PTPRD: variants seen among roughly 807,000 people sequenced by gnomAD.
The protein encoded by PTPRD is protein tyrosine phosphatase receptor type D.
In PTPRD, 34 loss-of-function variants were observed where a neutral mutation model predicts 214.5. That is an observed-to-expected ratio of 0.16 (90% CI 0.12 to 0.21). PTPRD has a LOEUF of 0.21. Among genes scored for constraint, PTPRD ranks in the 10% least tolerant of loss-of-function variants. The pLI is 1.00. For missense variants in PTPRD, 2,545 were observed against 2,398.7 expected (o/e 1.06, Z -1.27); for synonymous variants, 1,128 against 845.7 (o/e 1.33, Z -5.79).
intron 9 of PTPRD, among the ~76,000 whole-genome samples, chr9:9,270,915 C>A (rs1455284440): frequency 6.6e-6 from 1 of 151,166 alleles, no homozygotes. Flanking sequence ...AAAGAACACT[C>A]TTCGAATTAT....
At chr9:8,779,102 AGAG>A (rs200278706) in intron 11 of PTPRD, among the ~76,000 whole-genome samples, 1,673 of 152,340 alleles carry the variant, frequency 0.011, 31 homozygotes, top group African/African-American at 0.038. Context: ...ACAGGAGATG[AGAG>A]GAGAACTAGT....
At chr9:9,387,948 C>T (rs1485512679) in intron 9 of PTPRD, among the ~76,000 whole-genome samples, 1 of 152,120 alleles carries the variant, frequency 6.6e-6, no homozygotes, top group Non-Finnish European at 1.5e-5. Context: ...CTATAGGTGG[C>T]CTGTGTTAAC....
chr9:10,173,548 T>C (rs1203936983), intron 3 of PTPRD, among the ~76,000 whole-genome samples: 1 of 152,168 alleles, frequency 6.6e-6, no homozygotes, highest in Non-Finnish European at 1.5e-5. Flanking sequence ...TGACCAATGT[T>C]GTTATTTACA....
intron 13 of PTPRD, among the ~76,000 whole-genome samples, chr9:8,633,947 C>T (rs918599515): frequency 4.6e-5 from 7 of 151,920 alleles, no homozygotes; most frequent in Non-Finnish European, 8.8e-5. Flanking sequence ...AGGCAAACCA[C>T]GAAAAGAAAT....
At chr9:10,427,021 C>A (rs2154519250) in intron 2 of PTPRD, among the ~76,000 whole-genome samples, 1 of 152,092 alleles carries the variant, frequency 6.6e-6, no homozygotes, top group Non-Finnish European at 1.5e-5. Context: ...CACAAAAGAT[C>A]TGTATTATTG....
intron 3 of PTPRD, among the ~76,000 whole-genome samples, chr9:10,203,411 A>AC (rs897173367): frequency 6.6e-6 from 1 of 151,916 alleles, no homozygotes; most frequent in South Asian, 2.1e-4. Context: ...AGCTTTGGCT[A>AC]CCCCCCAGGA....
chr9:10,561,001 T>A (rs191620843), intron 2 of PTPRD, among the ~76,000 whole-genome samples: 3 of 152,322 alleles, frequency 2.0e-5, no homozygotes, highest in South Asian at 2.1e-4. Flanking sequence ...TCGGATAAAG[T>A]GTAAATATGA....
chr9:8,527,406 T>G, intron 15 of PTPRD, 53 bp from the exon 16 acceptor site: 2 of 1,536,878 alleles, frequency 1.3e-6, no homozygotes, highest in South Asian at 2.3e-5. Flanking sequence ...ATTATTATAT[T>G]CCTTATAATT....
chr9:8,528,880 T>C (rs976860414), intron 14 of PTPRD, 101 bp from the exon 15 acceptor site: 7 of 1,158,934 alleles, frequency 6.0e-6, no homozygotes, highest in Middle Eastern at 5.7e-4. Flanking sequence ...CAGTGCTTGT[T>C]GAGAACCTAA....
intron 2 of PTPRD, among the ~76,000 whole-genome samples, chr9:10,419,834 T>C (rs184270455): frequency 4.9e-4 from 74 of 151,942 alleles, no homozygotes; most frequent in African/African-American, 1.7e-3. Context: ...TAGTGAGACA[T>C]ATTTTAGTTA....
intron 11 of PTPRD, among the ~76,000 whole-genome samples, chr9:8,931,311 A>G (rs970851683): frequency 6.6e-6 from 1 of 151,706 alleles, no homozygotes; most frequent in African/African-American, 2.4e-5. Flanking sequence ...GTTCTGTTCC[A>G]TTGGTCTATA....
chr9:10,500,357 C>T (rs1257810328), intron 2 of PTPRD, among the ~76,000 whole-genome samples: 1 of 151,760 alleles, frequency 6.6e-6, no homozygotes, highest in Non-Finnish European at 1.5e-5. Context: ...TATAAAAATG[C>T]ATACAGATTT....
At chr9:8,570,689 G>A (rs913005934) in intron 14 of PTPRD, among the ~76,000 whole-genome samples, 2 of 152,006 alleles carry the variant, frequency 1.3e-5, no homozygotes, top group Non-Finnish European at 2.9e-5. Context: ...TTAGCTCAAT[G>A]TTGTGATGGA....
At chr9:10,553,450 T>C (rs2061795189) in intron 2 of PTPRD, among the ~76,000 whole-genome samples, 1 of 152,110 alleles carries the variant, frequency 6.6e-6, no homozygotes, top group Non-Finnish European at 1.5e-5. Flanking sequence ...CTGAGTTGTA[T>C]TCCAAAAAGA....
At chr9:8,337,653 G>A (rs1007366115) in intron 43 of PTPRD, among the ~76,000 whole-genome samples, 6 of 151,572 alleles carry the variant, frequency 4.0e-5, no homozygotes, top group African/African-American at 1.5e-4. Context: ...ACAATCACAG[G>A]GAGACTTTAA....
chr9:8,817,997 C>T (rs905356409), intron 11 of PTPRD, among the ~76,000 whole-genome samples: 2 of 152,110 alleles, frequency 1.3e-5, no homozygotes, highest in Non-Finnish European at 2.9e-5. Context: ...CCTGAGCTTC[C>T]AAATTGCCTG....
intron 11 of PTPRD, among the ~76,000 whole-genome samples, chr9:8,875,058 A>T (rs561965923): frequency 1.2e-4 from 18 of 152,208 alleles, no homozygotes; most frequent in Non-Finnish European, 2.2e-4. Context: ...ACATGGATGC[A>T]TTAAAGAGAG....
At chr9:10,306,013 G>A (rs1431510014) in intron 3 of PTPRD, among the ~76,000 whole-genome samples, 1 of 151,980 alleles carries the variant, frequency 6.6e-6, no homozygotes, top group Non-Finnish European at 1.5e-5. Context: ...CAAAGACTTG[G>A]AATCAACCCA....
intron 3 of PTPRD, among the ~76,000 whole-genome samples, chr9:10,199,387 A>T (rs1359869685): frequency 6.6e-6 from 1 of 152,070 alleles, no homozygotes; most frequent in Non-Finnish European, 1.5e-5. Flanking sequence ...CAGTATTAAC[A>T]GATCAATGTT....
Sources: gnomAD v4.1 joint callset for allele counts (sites outside exome capture counted in the v4.1 genomes callset) on GRCh38, gnomAD v4.1.1 for gene constraint, MANE v1.5 for transcripts, NCBI Gene and HGNC (gene_info 2026-07-23, HGNC 2026-07-21) for gene names.